The following USP24 variants were observed in gnomAD, a reference collection of about 807,000 sequenced individuals.
USP24 encodes the protein ubiquitin specific peptidase 24.
Under a neutral mutation model 361.6 loss-of-function variants are expected in USP24, and 97 were observed. That is an observed-to-expected ratio of 0.27 (90% CI 0.23 to 0.32). The LOEUF (loss-of-function observed/expected upper bound fraction) is 0.32, where lower values mean the gene tolerates loss of function less well. USP24 is among the 10% of genes least tolerant of loss of function. The pLI is 1.00. For missense variants in USP24, 2,353 were observed against 3,165.6 expected (o/e 0.74, Z 6.16); for synonymous variants, 1,098 against 1,124.6 (o/e 0.98, Z 0.47).
At chr1:55,146,801 T>C in intron 19 of USP24, 128 bp downstream of exon 19, 1 of 1,061,040 alleles carries the variant, frequency 9.4e-7, no homozygotes, top group Non-Finnish European at 1.3e-6. Context: ...TTTCAGCACT[T>C]ACAGTTCTTG....
chr1:55,087,168 A>G (rs1180415166), intron 55 of USP24, among the ~76,000 whole-genome samples: 3 of 152,358 alleles, frequency 2.0e-5, no homozygotes, highest in African/African-American at 7.2e-5. Context: ...TATCTTAAAA[A>G]TTATAAAGAA....
chr1:55,103,762 A>C, intron 42 of USP24, 114 bp downstream of exon 42: 1 of 1,221,808 alleles, frequency 8.2e-7, no homozygotes, highest in East Asian at 2.5e-5. Flanking sequence ...ACAGTAAGCA[A>C]AATAGTAATA....
intron 28 of USP24, among the ~76,000 whole-genome samples, chr1:55,136,500 C>A (rs1646739462): frequency 6.6e-6 from 1 of 152,116 alleles, no homozygotes; most frequent in Non-Finnish European, 1.5e-5. Flanking sequence ...AGAGACTGAA[C>A]TGGTCTAAGA....
intron 1 of USP24, among the ~76,000 whole-genome samples, chr1:55,213,920 A>G (rs1008946327): frequency 6.6e-6 from 1 of 151,582 alleles, no homozygotes; most frequent in African/African-American, 2.4e-5. Flanking sequence ...CCCTCTGCAT[A>G]GCACCCTCAG....
intron 21 of USP24, among the ~76,000 whole-genome samples, 162 bp from the exon 22 acceptor site, chr1:55,143,281 T>C (rs958906613): frequency 1.2e-4 from 19 of 152,228 alleles, no homozygotes; most frequent in African/African-American, 4.3e-4. Context: ...TATACTGATA[T>C]GGAACTTTAA....
Position 55,097,590 on chromosome 1 carries a change from A to AC in USP24, c.5715+7_5715+8insG, listed in dbSNP as rs1490483198. ...GTTGTGAAAAATTTCAGGAAGAAAA[A>AC]AAGTTACCCTTATTTGTTCATCATA... On this transcript the variant is annotated splice_region_variant and intron_variant, in intron 48 of 67. Transcript: ENST00000294383. 10 of 1,530,016 alleles carry AC rather than the reference A, an allele frequency of 6.5e-6. No individual in the cohort carries two copies. The highest frequency in any genetic ancestry group is 8.8e-6 in the Non-Finnish European group (10 of 1,142,554). 94.8% of individuals were successfully genotyped at this position (1,530,016 alleles called of 1,614,324 possible). A position where few individuals can be genotyped will look rare whatever the true frequency, so the allele number is the denominator to read the frequency against.
At chr1:55,129,131 T>C (rs1329727076) in intron 32 of USP24, among the ~76,000 whole-genome samples, 1 of 152,174 alleles carries the variant, frequency 6.6e-6, no homozygotes, top group African/African-American at 2.4e-5. Flanking sequence ...TCCCCAGCAC[T>C]AATACCTTGC....
intron 38 of USP24, among the ~76,000 whole-genome samples, chr1:55,118,424 C>T (rs922274698): frequency 6.6e-6 from 1 of 152,082 alleles, no homozygotes; most frequent in Admixed American, 6.6e-5. Flanking sequence ...GAAGTCAGAC[C>T]CTTACCTTAC....
chr1:55,154,069 A>T, intron 15 of USP24, 50 bp downstream of exon 15: 1 of 1,608,752 alleles, frequency 6.2e-7, no homozygotes, highest in Non-Finnish European at 8.5e-7. Context: ...CTAATTACTC[A>T]GGGAATACTG....
In USP24 at chr1:55,138,997, C is replaced by T; in HGVS notation, c.2764G>A (p.Val922Ile). Residue 922 changes from valine (V) to isoleucine (I), a missense_variant, in exon 25 of 68, where the codon GTA becomes ATA. This residue lies in a region of USP24 where 949 missense variants were observed against 1,280.5 expected (regional missense o/e 0.74). Coordinates refer to ENST00000294383, the MANE Select transcript of USP24 (RefSeq NM_015306.3). The stretch of plus-strand genomic sequence containing the variant: ...AGAAGCAGCAATCTCTCAATTATTA[C>T]AAGTTTAGTAGATCTATAGATTAAA... ...VQSPYRSTKL[V>I]IIERLLLLAE... is the part of the protein sequence containing the mutation. 6 of 1,610,758 alleles carry T rather than the reference C, an allele frequency of 3.7e-6. No homozygotes were observed. The highest frequency in any genetic ancestry group is 4.2e-6 in the Non-Finnish European group (5 of 1,178,268).
chr1:55,104,508 C>G (rs377346235), intron 41 of USP24, among the ~76,000 whole-genome samples: 1 of 152,118 alleles, frequency 6.6e-6, no homozygotes, highest in South Asian at 2.1e-4. Context: ...CAAATCAATT[C>G]GTTTAAAGTG....
chr1:55,142,484 T>C (rs1007331963), intron 23 of USP24, among the ~76,000 whole-genome samples: 2 of 152,122 alleles, frequency 1.3e-5, no homozygotes, highest in African/African-American at 2.4e-5. Flanking sequence ...TTTCTGAAGA[T>C]AGTTCCTATA....
chr1:55,147,504 A>G lies in USP24; in HGVS notation c.2118+145T>C, dbSNP rs1276989741. On this transcript the variant is annotated intron_variant, in intron 18 of 67. Coordinates refer to ENST00000294383, the MANE Select transcript of USP24 (RefSeq NM_015306.3). ...ATATGAAAGATAACTCACAAACACC[A>G]AGATACAAAACTGTTCCCTCACTAC... 3.7e-6 allele frequency: 3 copies of G among 804,206 alleles called. No individual in the cohort carries two copies. In the African/African-American group the frequency reaches 5.4e-5, roughly 14 times the overall value. 49.8% of individuals were successfully genotyped at this position (804,206 alleles called of 1,614,324 possible).
At position 55,152,036 on chromosome 1, in the gene USP24, C is replaced by G. The variant is rs1161837061; in HGVS notation, c.1860+1834G>C. ...TAGTGGAAGTAAATAATTCACCCCC[C>G]TGCCTGGAGCCATATCCAGGGGGCT... On this transcript the variant is annotated intron_variant, in intron 16 of 67. Coordinates refer to ENST00000294383, the MANE Select transcript of USP24 (RefSeq NM_015306.3). 3 of 973,160 alleles carry G rather than the reference C, an allele frequency of 3.1e-6. No individual in the cohort carries two copies. In the African/African-American group the frequency reaches 5.3e-5, roughly 17 times the overall value. 60.3% of individuals were successfully genotyped at this position (973,160 alleles called of 1,614,324 possible).
intron 19 of USP24, 139 bp from the exon 20 acceptor site, chr1:55,146,248 G>T: frequency 3.7e-6 from 2 of 540,366 alleles, no homozygotes; most frequent in South Asian, 3.4e-5. Flanking sequence ...TAAAATGCTT[G>T]GAATTCTGAA....
At chr1:55,148,765 C>T (rs541014992) in intron 16 of USP24, among the ~76,000 whole-genome samples, 195 bp from the exon 17 acceptor site, 1 of 152,258 alleles carries the variant, frequency 6.6e-6, no homozygotes, top group African/African-American at 2.4e-5. Flanking sequence ...ATGCAATTTC[C>T]TAAAGCTAAG....
At chr1:55,127,567 C>A (rs940033391) in intron 32 of USP24, among the ~76,000 whole-genome samples, 13 of 152,146 alleles carry the variant, frequency 8.5e-5, no homozygotes, top group African/African-American at 3.1e-4. Flanking sequence ...ATTTATAGTC[C>A]TTTGGGTATA....
intron 1 of USP24, among the ~76,000 whole-genome samples, chr1:55,185,802 C>G (rs570622645): frequency 4.6e-5 from 7 of 151,934 alleles, no homozygotes; most frequent in Non-Finnish European, 1.0e-4. Flanking sequence ...CTCTTGGGCT[C>G]AAGTGAACCT....
chr1:55,121,609 T>C (rs1287706877), intron 36 of USP24, 103 bp from the exon 37 acceptor site: 8 of 877,964 alleles, frequency 9.1e-6, no homozygotes, highest in Non-Finnish European at 1.4e-5. Context: ...TAAGCTCTTC[T>C]CTTTTACATA....
Sources: allele counts gnomAD v4.1 joint callset (sites outside exome capture counted in the v4.1 genomes callset), GRCh38; gene constraint gnomAD v4.1.1; regional missense constraint gnomAD v4.1.1; transcripts MANE v1.5; gene names NCBI Gene and HGNC (gene_info 2026-07-23, HGNC 2026-07-21).